Variants in RNF144A observed in about 807,000 individuals in gnomAD.
The protein encoded by RNF144A is ring finger protein 144A.
Under a neutral mutation model 38.7 loss-of-function variants are expected in RNF144A, and 11 were observed. The observed-to-expected ratio is 0.28, with a 90% confidence interval of 0.18 to 0.47. RNF144A has a LOEUF of 0.47. RNF144A is among the 20% of genes least tolerant of loss of function. The pLI, the probability that RNF144A is intolerant of heterozygous loss-of-function variation, is 0.99. For missense variants in RNF144A, 316 were observed against 377.2 expected (o/e 0.84, Z 1.34); for synonymous variants, 149 against 143.9 (o/e 1.04, Z -0.25).
chr2:7,032,498 C>T (rs1171628074), intron 8 of RNF144A, among the ~76,000 whole-genome samples: 3 of 152,262 alleles, frequency 2.0e-5, no homozygotes, highest in Admixed American at 1.3e-4. Context: ...GAGGTGTCAG[C>T]AGGGCCCTGC....
rs2103301442 is a variant in RNF144A at position 6,943,244 on chromosome 2, A to T, written c.-12+2097A>T. 6.6e-6 allele frequency among the ~76,000 whole-genome samples: 1 copy of T among 152,346 alleles called. No individual in the cohort carries two copies. The highest frequency in any genetic ancestry group is 6.5e-5 in the Admixed American group (1 of 15,302). ...GCATTCTAGCTTCATGAGGAGCAGA[A>T]GAGGACAAGCCAGCAAAGGAGAACA... On this transcript the variant is annotated intron_variant, in intron 2 of 8. Coordinates refer to ENST00000320892, the MANE Select transcript of RNF144A (RefSeq NM_014746.6). This position sits in a 1 kb window ranked among gnomAD's most constrained non-coding sequence, Gnocchi z 4.3.
In RNF144A at chr2:6,940,952, C is replaced by G. The variant is rs1348550666; in HGVS notation, c.-207C>G. On this transcript the variant is annotated 5_prime_UTR_variant, in exon 2 of 9. It adds an upstream start codon to the 5' untranslated region. Coordinates refer to ENST00000320892, the MANE Select transcript of RNF144A (RefSeq NM_014746.6). The stretch of plus-strand genomic sequence containing the variant: ...TGTTCTTCTCTTGTTTCTTAGGCAT[C>G]CAGTACCCTGCTGACTCTGACATGC... 1 of 152,478 alleles carries G rather than the reference C, an allele frequency of 6.6e-6. No individual in the cohort carries two copies. Among genetic ancestry groups the G allele is most frequent in the Non-Finnish European group, 1.5e-5 (1 of 68,266 alleles). 9.4% of individuals were successfully genotyped at this position (152,478 alleles called of 1,614,324 possible). A position where few individuals can be genotyped will look rare whatever the true frequency, so the allele number is the denominator to read the frequency against.
chr2:6,940,000 T>C (rs563621828), intron 1 of RNF144A, among the ~76,000 whole-genome samples: 107 of 152,184 alleles, frequency 7.0e-4, no homozygotes, highest in African/African-American at 2.5e-3. Context: ...CTCCCCCAAG[T>C]TTTTTTTCTT....
chr2:6,946,710 TTAA>T (rs1666366106), intron 2 of RNF144A, among the ~76,000 whole-genome samples: 1 of 152,190 alleles, frequency 6.6e-6, no homozygotes, highest in African/African-American at 2.4e-5. Flanking sequence ...TGAAGCATTT[TTAA>T]TAATAAAATC....
At chr2:7,016,284 T>C (rs1348488567) in intron 5 of RNF144A, among the ~76,000 whole-genome samples, 1 of 152,168 alleles carries the variant, frequency 6.6e-6, no homozygotes, top group Non-Finnish European at 1.5e-5. Context: ...GGTACAAAAG[T>C]CAGTACGTAG....
chr2:6,937,684 T>C (rs1426096445), intron 1 of RNF144A, among the ~76,000 whole-genome samples: 1 of 152,238 alleles, frequency 6.6e-6, no homozygotes, highest in Non-Finnish European at 1.5e-5. Context: ...ATCTAGATGC[T>C]GCTCAGGACT....
intron 2 of RNF144A, among the ~76,000 whole-genome samples, chr2:6,976,047 C>T (rs1668293282): frequency 6.6e-6 from 1 of 152,202 alleles, no homozygotes; most frequent in South Asian, 2.1e-4. Flanking sequence ...CAGCCTGCTA[C>T]TTGAGTTATT....
At chr2:7,004,872 T>C (rs1017842195) in intron 3 of RNF144A, among the ~76,000 whole-genome samples, 2 of 152,230 alleles carry the variant, frequency 1.3e-5, no homozygotes, top group African/African-American at 4.8e-5. Context: ...GGTTTTCTTA[T>C]GTTCTGCTTT....
the RNF144A span, among the ~76,000 whole-genome samples, chr2:7,075,139 C>T: frequency 6.6e-6 from 1 of 152,138 alleles, no homozygotes; most frequent in Admixed American, 6.6e-5. Context: ...ACATCTGCAG[C>T]CCCAGATGGG....
At chr2:6,970,039 C>T (rs543736561) in intron 2 of RNF144A, among the ~76,000 whole-genome samples, 63 of 152,222 alleles carry the variant, frequency 4.1e-4, no homozygotes, top group Non-Finnish European at 6.9e-4. Flanking sequence ...GGATTACAGG[C>T]GTAAGCCACC....
chr2:7,039,650 T>C lies in RNF144A; in HGVS notation c.769T>C (p.Phe257Leu). ...CCAGGTTGTGGGCATTTTTGCAGGATTTGGGCTGCTGCTCTTGGTGGCCTC... is the reference window on the plus strand; with the variant it reads ...CCAGGTTGTGGGCATTTTTGCAGGACTTGGGCTGCTGCTCTTGGTGGCCTC... ...RTQVVGIFAG[F>L]GLLLLVASPF... Residue 257 changes from phenylalanine to leucine, a missense_variant, in exon 9 of 9, where the codon TTT becomes CTT. Phe to Leu is a conservative substitution (Grantham distance 22). Coordinates refer to ENST00000320892, the MANE Select transcript of RNF144A (RefSeq NM_014746.6). The C allele has an allele frequency of 6.2e-7, 1 of 1,614,066 alleles. No homozygotes were observed. Among genetic ancestry groups the C allele is most frequent in the Non-Finnish European group, 8.5e-7 (1 of 1,179,980 alleles).
chr2:7,012,602 C>T (rs1306297155), intron 3 of RNF144A, among the ~76,000 whole-genome samples: 2 of 152,220 alleles, frequency 1.3e-5, no homozygotes, highest in African/African-American at 4.8e-5. Flanking sequence ...TGGTTCACCA[C>T]TCTAGTAGTC....
intron 6 of RNF144A, among the ~76,000 whole-genome samples, chr2:7,053,475 A>G (rs1287032018): frequency 6.6e-6 from 1 of 152,272 alleles, no homozygotes; most frequent in South Asian, 2.1e-4. Context: ...TGGGGGAATT[A>G]TCGGTTTTCA....
chr2:7,041,448 A>C lies in RNF144A; in HGVS notation c.*1688A>C, dbSNP rs1177806945. 2 of 985,790 alleles carry C rather than the reference A, an allele frequency of 2.0e-6. No homozygotes were observed. Among genetic ancestry groups the C allele is most frequent in the East Asian group, 2.3e-4 (2 of 8,826 alleles). 61.1% of individuals were successfully genotyped at this position (985,790 alleles called of 1,614,324 possible). On this transcript the variant is annotated 3_prime_UTR_variant, in exon 9 of 9. Transcript: ENST00000320892. The stretch of plus-strand genomic sequence containing the variant: ...ATCCCTGTGTGTCAAAATTACATTC[A>C]AAAAGCTCTCCTTGTAATTGCAAGT...
chr2:7,025,899 C>T (rs1161621426), intron 7 of RNF144A, among the ~76,000 whole-genome samples: 5 of 152,178 alleles, frequency 3.3e-5, no homozygotes, highest in African/African-American at 4.8e-5. Context: ...GCAGGGCGGA[C>T]AGTCAGAGCA....
intron 3 of RNF144A, among the ~76,000 whole-genome samples, chr2:7,002,071 C>T (rs981037369): frequency 1.3e-5 from 2 of 152,178 alleles, no homozygotes; most frequent in Non-Finnish European, 2.9e-5. Context: ...TGCAGAAAAG[C>T]TACGTGTAAA....
At chr2:6,934,028 C>CTTA (rs1174908201) in intron 1 of RNF144A, among the ~76,000 whole-genome samples, 1 of 151,992 alleles carries the variant, frequency 6.6e-6, no homozygotes, top group Non-Finnish European at 1.5e-5. Flanking sequence ...TGAGTAAATA[C>CTTA]TTAGGGCAGC....
Position 6,917,620 on chromosome 2 carries a change from C to T in RNF144A, c.-214C>T, listed in dbSNP as rs903841270. On this transcript the variant is annotated splice_region_variant and 5_prime_UTR_variant, in exon 1 of 9. Coordinates refer to ENST00000320892, the MANE Select transcript of RNF144A (RefSeq NM_014746.6). This position sits in a 1 kb window ranked among gnomAD's most constrained non-coding sequence, Gnocchi z 4.8. ...GCCGCGCACCGCGGACGAGCAGGCC[C>T]AGGTAGAGTGACGCGCGTCCCCTTT... 6.8e-6 allele frequency: 1 copy of T among 147,802 alleles called. No individual in the cohort carries two copies. Among genetic ancestry groups the T allele is most frequent in the Non-Finnish European group, 1.5e-5 (1 of 66,322 alleles). The allele number at this position is 147,802 out of a possible 1,614,324, so 9.2% of individuals were successfully genotyped here. A position where few individuals can be genotyped will look rare whatever the true frequency, so the allele number is the denominator to read the frequency against.
Position 6,941,894 on chromosome 2 carries a change from C to A in RNF144A, c.-12+747C>A, listed in dbSNP as rs557653807. 6.6e-6 allele frequency among the ~76,000 whole-genome samples: 1 copy of A among 152,380 alleles called. No homozygotes were observed. Among genetic ancestry groups the A allele is most frequent in the East Asian group, 1.9e-4 (1 of 5,186 alleles). On this transcript the variant is annotated intron_variant, in intron 2 of 8. Coordinates refer to ENST00000320892, the MANE Select transcript of RNF144A (RefSeq NM_014746.6). The surrounding 1 kb of genome is among the most constrained non-coding windows in gnomAD (Gnocchi z 6.5). ...CTGGCTGGAAGGACTCAGCACAGAG[C>A]TGTGAGCTGGGACTGGGCAGGGCAT...
Sources: gnomAD v4.1 joint callset for allele counts (sites outside exome capture counted in the v4.1 genomes callset) on GRCh38, gnomAD v4.1.1 for gene constraint, Gnocchi (gnomAD v3.1) non-coding constraint, MANE v1.5 for transcripts, NCBI Gene and HGNC (gene_info 2026-07-23, HGNC 2026-07-21) for gene names.